ARHGAP23: variants seen among roughly 807,000 people sequenced by gnomAD.
The protein encoded by ARHGAP23 is Rho GTPase activating protein 23.
In ARHGAP23, 34 loss-of-function variants were observed where a neutral mutation model predicts 136.3. The ratio of observed to expected loss-of-function variants is 0.25; its 90% CI spans 0.19 to 0.33. ARHGAP23 has a LOEUF of 0.33. ARHGAP23 is among the 10% of genes least tolerant of loss of function. ARHGAP23 has a pLI of 1.00. For synonymous variants in ARHGAP23, 832 were observed against 920.5 expected (o/e 0.90, Z 1.74); for missense variants, 1,808 against 2,139.0 (o/e 0.85, Z 3.05).
intron 1 of ARHGAP23, among the ~76,000 whole-genome samples, chr17:38,435,787 G>A (rs1050565914): frequency 2.1e-4 from 32 of 152,168 alleles, no homozygotes; most frequent in Admixed American, 5.9e-4. Context: ...TTTTAGTAGA[G>A]ATGGGCGTTC....
chr17:38,460,853 T>C, intron 2 of ARHGAP23, 52 bp from the exon 3 acceptor site: 2 of 1,536,008 alleles, frequency 1.3e-6, no homozygotes, highest in Non-Finnish European at 1.7e-6. Flanking sequence ...GGGCCACCCC[T>C]GGCTGCTGAG....
chr17:38,448,494 G>C (rs2039082451), intron 1 of ARHGAP23, among the ~76,000 whole-genome samples: 1 of 152,112 alleles, frequency 6.6e-6, no homozygotes, highest in African/African-American at 2.4e-5. Context: ...TTATTGATGA[G>C]GAACCAAGGC....
chr17:38,494,401 A>G (rs1348188324), intron 20 of ARHGAP23, among the ~76,000 whole-genome samples: 1 of 152,142 alleles, frequency 6.6e-6, no homozygotes, highest in Non-Finnish European at 1.5e-5. Flanking sequence ...CCGTGCTGGG[A>G]ACACGGAGGT....
intron 6 of ARHGAP23, among the ~76,000 whole-genome samples, chr17:38,464,003 G>A (rs1028825630): frequency 2.0e-5 from 3 of 151,906 alleles, no homozygotes; most frequent in Admixed American, 2.0e-4. Flanking sequence ...ATTAAAACAC[G>A]ACACACTCAC....
intron 20 of ARHGAP23, among the ~76,000 whole-genome samples, chr17:38,495,173 G>A (rs1315595631): frequency 1.3e-5 from 2 of 151,958 alleles, no homozygotes; most frequent in African/African-American, 2.4e-5. Context: ...AAGTAACTTG[G>A]CTAAGGTGAA....
chr17:38,511,032 G>A lies in ARHGAP23; in HGVS notation c.*60G>A. ...CCCTAGAGCCCCTTTGGAACCAGGA[G>A]GCTTCACCAGCCTGCACCTCCTCTT... On this transcript the variant is annotated 3_prime_UTR_variant, in exon 24 of 24. Coordinates refer to ENST00000622683, the MANE Select transcript of ARHGAP23 (RefSeq NM_001199417.2). 5 of 1,369,088 alleles carry A rather than the reference G, an allele frequency of 3.7e-6. No individual in the cohort carries two copies. The highest frequency in any genetic ancestry group is 1.7e-5 in the South Asian group (1 of 60,208). The allele number at this position is 1,369,088 out of a possible 1,614,324, so 84.8% of individuals were successfully genotyped here.
chr17:38,499,477 C>G (rs2040472292), intron 22 of ARHGAP23, among the ~76,000 whole-genome samples: 2 of 152,156 alleles, frequency 1.3e-5, no homozygotes, highest in South Asian at 4.1e-4. Context: ...AGGGCCACTC[C>G]CTTTGTGGCT....
chr17:38,486,453 T>C (rs1213565355), intron 17 of ARHGAP23, among the ~76,000 whole-genome samples: 1 of 151,872 alleles, frequency 6.6e-6, no homozygotes, highest in Admixed American at 6.6e-5. Context: ...CAGACTGGTG[T>C]TGCACTCCTG....
rs2039770974 is a variant in ARHGAP23, at chr17:38,471,960, G to C, written c.2072G>C (p.Arg691Thr). The C allele has an allele frequency of 2.6e-6, 4 of 1,549,670 alleles. No individual in the cohort carries two copies. The highest frequency in any genetic ancestry group is 2.0e-5 in the Admixed American group (1 of 50,980). ...GATGCGACCTTCAGCGATATCAGGA[G>C]AGAAGGCTGGTTGTATTATAAGCAG... ...LSDATFSDIRREGWLYYKQIL... is the reference protein window; with the variant it reads ...LSDATFSDIRTEGWLYYKQIL... The change falls in exon 11 of 24, where the codon AGA (arginine) becomes ACA (threonine). Residue 691 changes from arginine to threonine, a missense_variant. By Grantham distance (71) the Arg-to-Thr change is moderately conservative. Coordinates refer to ENST00000622683, the MANE Select transcript of ARHGAP23 (RefSeq NM_001199417.2).
chr17:38,480,399 C>T (rs924689825), intron 14 of ARHGAP23, among the ~76,000 whole-genome samples: 32 of 152,104 alleles, frequency 2.1e-4, no homozygotes, highest in Admixed American at 2.0e-3. Context: ...TTTGGGAGGC[C>T]GAGGTGGGCG....
chr17:38,466,848 A>G lies in ARHGAP23; in HGVS notation c.1165A>G (p.Thr389Ala), dbSNP rs949884676. Residue 389 changes from threonine (T) to alanine (A), a missense_variant, in exon 7 of 24, where the codon ACC (threonine) becomes GCC (alanine). Transcript: ENST00000622683. ...GWASQRSSAR[T>A]PACPTRDLPG... is the part of the protein sequence containing the mutation. ...GGCTTCCCAGCGTTCGTCTGCCCGC[A>G]CCCCCGCCTGCCCAACTCGGGACCT... The G allele has an allele frequency of 6.5e-7, 1 of 1,546,338 alleles. No individual in the cohort carries two copies. Among genetic ancestry groups the G allele is most frequent in the Admixed American group, 2.0e-5 (1 of 50,866 alleles).
intron 6 of ARHGAP23, among the ~76,000 whole-genome samples, chr17:38,465,339 G>A (rs556813600): frequency 7.0e-6 from 1 of 141,908 alleles, no homozygotes; most frequent in African/African-American, 3.1e-5. Flanking sequence ...TGTGTCTCTG[G>A]GTGTGTATCT....
chr17:38,425,875 G>A (rs1215015114), upstream of ARHGAP23, among the ~76,000 whole-genome samples: 3 of 151,994 alleles, frequency 2.0e-5, no homozygotes, highest in African/African-American at 4.8e-5. Context: ...TGGGAAGGGC[G>A]GCAGGGTGGG....
At chr17:38,461,385 C>G (rs775551694) in intron 3 of ARHGAP23, among the ~76,000 whole-genome samples, 7 of 152,196 alleles carry the variant, frequency 4.6e-5, no homozygotes, top group Non-Finnish European at 8.8e-5. Flanking sequence ...CAAGGTCTTT[C>G]TCTCATATGA....
chr17:38,490,686 C>G, intron 19 of ARHGAP23, 135 bp downstream of exon 19: 1 of 715,152 alleles, frequency 1.4e-6, no homozygotes, highest in Non-Finnish European at 2.5e-6. Flanking sequence ...TATGACTGCT[C>G]CGTCCCCACC....
intron 14 of ARHGAP23, among the ~76,000 whole-genome samples, chr17:38,481,267 C>T (rs962722027): frequency 6.6e-6 from 1 of 152,110 alleles, no homozygotes; most frequent in African/African-American, 2.4e-5. Flanking sequence ...CTGCCTCAGC[C>T]TCCCGAGTAG....
At chr17:38,419,735 A>G (rs2038500656) in intron 1 of ARHGAP23, among the ~76,000 whole-genome samples, 2 of 152,088 alleles carry the variant, frequency 1.3e-5, no homozygotes, top group Non-Finnish European at 1.5e-5. Context: ...GTAAGGGTAC[A>G]GCCCCTGCTC....
intron 21 of ARHGAP23, 74 bp from the exon 22 acceptor site, chr17:38,498,340 A>G (rs1230751019): frequency 3.3e-6 from 4 of 1,214,324 alleles, no homozygotes; most frequent in South Asian, 1.5e-5. Flanking sequence ...CTCTGTCATC[A>G]GGGCACCCCC....
chr17:38,445,491 T>A (rs117583593), intron 1 of ARHGAP23, among the ~76,000 whole-genome samples: 8,004 of 151,396 alleles, frequency 0.053, 272 homozygotes, highest in Middle Eastern at 0.16. Context: ...TCTGAAAAAA[T>A]ATATATATAT....
Sources: allele counts gnomAD v4.1 joint callset (sites outside exome capture counted in the v4.1 genomes callset), GRCh38; gene constraint gnomAD v4.1.1; transcripts MANE v1.5; gene names NCBI Gene and HGNC (gene_info 2026-07-23, HGNC 2026-07-21).